Variants in RASAL2 observed in about 807,000 individuals in gnomAD.
RASAL2 encodes RAS protein activator like 2.
A neutral mutation model predicts 128.9 loss-of-function variants in RASAL2; 58 were observed. That is an observed-to-expected ratio of 0.45 (90% confidence interval 0.36 to 0.56). The LOEUF is 0.56. Among genes scored for constraint, RASAL2 ranks in the 20% least tolerant of loss-of-function variants. The pLI, the probability that RASAL2 is intolerant of heterozygous loss-of-function variation, is 0.00. For synonymous variants in RASAL2, 561 were observed against 580.8 expected, an observed-to-expected ratio of 0.97 and a Z score of 0.49; for missense variants, 1,360 against 1,601.6, an observed-to-expected ratio of 0.85 and a Z score of 2.57.
chr1:178,304,866 T>A (rs977839764), intron 3 of RASAL2, among the ~76,000 whole-genome samples: 9 of 152,190 alleles, frequency 5.9e-5, no homozygotes, highest in African/African-American at 1.9e-4. Context: ...CAACTTATTC[T>A]TGTTTGCAGA....
intron 3 of RASAL2, among the ~76,000 whole-genome samples, chr1:178,340,374 G>C (rs1431864498): frequency 6.6e-6 from 1 of 152,036 alleles, no homozygotes; most frequent in African/African-American, 2.4e-5. Context: ...CTCAGCAACT[G>C]AGCACCTGCA....
intron 3 of RASAL2, among the ~76,000 whole-genome samples, chr1:178,356,496 C>T (rs1347452071): frequency 1.3e-5 from 2 of 152,014 alleles, no homozygotes; most frequent in African/African-American, 4.8e-5. Flanking sequence ...GTGACATCAT[C>T]ATGTAGTAAA....
chr1:178,159,390 A>G (rs974981878), intron 1 of RASAL2, among the ~76,000 whole-genome samples: 4 of 152,214 alleles, frequency 2.6e-5, no homozygotes, highest in Non-Finnish European at 4.4e-5. Flanking sequence ...ATGGAAGGGT[A>G]GACCTGACAT....
At chr1:178,354,624 G>T (rs1670700195) in intron 3 of RASAL2, among the ~76,000 whole-genome samples, 2 of 152,178 alleles carry the variant, frequency 1.3e-5, no homozygotes, top group African/African-American at 4.8e-5. Context: ...TTAGCAAGTT[G>T]CTAGATAACA....
chr1:178,400,566 C>T (rs868781437), intron 4 of RASAL2, among the ~76,000 whole-genome samples: 2 of 152,016 alleles, frequency 1.3e-5, no homozygotes, highest in Admixed American at 6.5e-5. Flanking sequence ...AGAGGATACA[C>T]AGACAATTCA....
chr1:178,418,751 CTA>C (rs1221341835), intron 4 of RASAL2, among the ~76,000 whole-genome samples: 1 of 152,164 alleles, frequency 6.6e-6, no homozygotes, highest in Admixed American at 6.6e-5. Context: ...CCTGGTAGTA[CTA>C]TATATCCCTT....
intron 1 of RASAL2, among the ~76,000 whole-genome samples, chr1:178,138,393 T>A (rs552253291): frequency 6.6e-6 from 1 of 152,204 alleles, no homozygotes; most frequent in Non-Finnish European, 1.5e-5. Context: ...ATATCTCAAA[T>A]GTAAAAGTTT....
chr1:178,112,279 C>T (rs899557857), intron 1 of RASAL2, among the ~76,000 whole-genome samples: 5 of 152,046 alleles, frequency 3.3e-5, no homozygotes, highest in Admixed American at 1.3e-4. Context: ...CAGCTGGGCA[C>T]GGTGGCTCAT....
chr1:178,310,814 A>G (rs1027418429), intron 3 of RASAL2, among the ~76,000 whole-genome samples: 4 of 152,206 alleles, frequency 2.6e-5, no homozygotes, highest in African/African-American at 9.6e-5. Context: ...TAGCTGTTTC[A>G]TAAAATTTCC....
intron 3 of RASAL2, among the ~76,000 whole-genome samples, chr1:178,324,920 T>C (rs1668965910): frequency 6.6e-6 from 1 of 152,190 alleles, no homozygotes. Flanking sequence ...GGCACCCACC[T>C]GCCAACTGGT....
intron 3 of RASAL2, among the ~76,000 whole-genome samples, chr1:178,357,729 A>AT (rs1415905571): frequency 6.6e-6 from 1 of 152,148 alleles, no homozygotes; most frequent in Non-Finnish European, 1.5e-5. Context: ...AATTTTAGTC[A>AT]TTTTTAACTT....
At chr1:178,181,790 T>A (rs1009028494) in intron 1 of RASAL2, among the ~76,000 whole-genome samples, 1 of 152,154 alleles carries the variant, frequency 6.6e-6, no homozygotes, top group Non-Finnish European at 1.5e-5. Flanking sequence ...TTTTTTTTTT[T>A]AATCATAGTT....
intron 1 of RASAL2, among the ~76,000 whole-genome samples, chr1:178,156,757 C>CT (rs1558085673): frequency 6.6e-6 from 1 of 151,994 alleles, no homozygotes; most frequent in African/African-American, 2.4e-5. Flanking sequence ...AATAAATATT[C>CT]TTTTTTAAAA....
chr1:178,341,194 A>C (rs1341772357), intron 3 of RASAL2, among the ~76,000 whole-genome samples: 1 of 152,208 alleles, frequency 6.6e-6, no homozygotes, highest in Non-Finnish European at 1.5e-5. Context: ...TGCTTTTGAA[A>C]AAATCACTTC....
At position 178,439,415 on chromosome 1, in the gene RASAL2, C is replaced by T; in HGVS notation, c.675-7C>T. The T allele has an allele frequency of 6.3e-7, 1 of 1,597,676 alleles. No individual in the cohort carries two copies. Among genetic ancestry groups the T allele is most frequent in the Non-Finnish European group, 8.5e-7 (1 of 1,173,012 alleles). On this transcript the variant is annotated splice_polypyrimidine_tract_variant and splice_region_variant and intron_variant, in intron 5 of 17. Transcript: ENST00000367649. ...ACACTACCTTAAATATCTTTTTCTACTTTTAGGTCTCGTGGGCTGCCTAAA... is the reference window on the plus strand; with the variant it reads ...ACACTACCTTAAATATCTTTTTCTATTTTTAGGTCTCGTGGGCTGCCTAAA...
intron 1 of RASAL2, among the ~76,000 whole-genome samples, chr1:178,281,256 A>T (rs1407410959): frequency 6.6e-6 from 1 of 151,982 alleles, no homozygotes; most frequent in African/African-American, 2.4e-5. Context: ...TTAATATAGA[A>T]GCATTGCTCT....
chr1:178,149,993 C>G (rs1050494851), intron 1 of RASAL2, among the ~76,000 whole-genome samples: 3 of 152,128 alleles, frequency 2.0e-5, no homozygotes, highest in African/African-American at 7.2e-5. Context: ...GATGGTTCAA[C>G]TTCTACTTTT....
rs181223013 is a variant in RASAL2, at chr1:178,231,575, T to G, written c.203-51989T>G. Among the ~76,000 whole-genome samples, 300 of 152,292 alleles carry G rather than the reference T, an allele frequency of 2.0e-3. 1 individual carries two copies. Among genetic ancestry groups the G allele is most frequent in the Non-Finnish European group, 3.8e-3 (257 of 68,032 alleles). ...TTATTACCATTTTCCTGTATTAGTTTTGCTTTCTGTGTCCTAAGAAATCTT... is the reference window on the plus strand; with the variant it reads ...TTATTACCATTTTCCTGTATTAGTTGTGCTTTCTGTGTCCTAAGAAATCTT... On this transcript the variant is annotated intron_variant, in intron 1 of 17. Transcript: ENST00000367649.
At position 178,237,549 on chromosome 1, in the gene RASAL2, G is replaced by A. The variant is rs1355891805; in HGVS notation, c.203-46015G>A. On this transcript the variant is annotated intron_variant, in intron 1 of 17. Transcript: ENST00000367649. ...TGTTAACAGAGCCAGTGGTTTACGA[G>A]TATAGACTTGGAGTTTACCAATGTG... Among the ~76,000 whole-genome samples, 5 of 152,186 alleles carry A rather than the reference G, an allele frequency of 3.3e-5. No homozygotes were observed. In the South Asian group the frequency reaches 6.2e-4, roughly 19 times the overall value.
Sources: gnomAD v4.1 joint callset for allele counts (sites outside exome capture counted in the v4.1 genomes callset) on GRCh38, gnomAD v4.1.1 for gene constraint, MANE v1.5 for transcripts, NCBI Gene and HGNC (gene_info 2026-07-23, HGNC 2026-07-21) for gene names.